Variants in MECOM observed in about 807,000 individuals in gnomAD.
MECOM encodes the protein MDS1 and EVI1 complex locus.
Under a neutral mutation model 116.3 loss-of-function variants are expected in MECOM, and 13 were observed. The ratio of observed to expected loss-of-function variants is 0.11; its 90% CI spans 0.07 to 0.18. The LOEUF (loss-of-function observed/expected upper bound fraction) is 0.18. Ranked by LOEUF, MECOM falls within the 10% of genes least tolerant of loss-of-function variation. MECOM has a pLI of 1.00. For missense variants in MECOM, 1,299 were observed against 1,509.0 expected (o/e 0.86, Z 2.31); for synonymous variants, 528 against 535.2 (o/e 0.99, Z 0.19).
intron 1 of MECOM, among the ~76,000 whole-genome samples, chr3:169,653,528 TGACAGTCA>T (rs1391573214): frequency 6.6e-6 from 1 of 152,214 alleles, no homozygotes; most frequent in African/African-American, 2.4e-5. Flanking sequence ...AGTTAGATTT[TGACAGTCA>T]GTGTACAGTA....
At chr3:169,283,152 T>C (rs1712487698) in intron 2 of MECOM, among the ~76,000 whole-genome samples, 1 of 152,126 alleles carries the variant, frequency 6.6e-6, no homozygotes, top group African/African-American at 2.4e-5. Flanking sequence ...CAGTAAATGA[T>C]TACAGAATTT....
chr3:169,212,940 C>T (rs1366546831), intron 2 of MECOM, among the ~76,000 whole-genome samples: 1 of 151,518 alleles, frequency 6.6e-6, no homozygotes, highest in African/African-American at 2.4e-5. Flanking sequence ...TTCAGGGAAC[C>T]TTCTCTCACC....
chr3:169,542,583 T>C (rs745993012), intron 1 of MECOM, among the ~76,000 whole-genome samples: 18 of 152,258 alleles, frequency 1.2e-4, no homozygotes, highest in Non-Finnish European at 2.5e-4. Context: ...CTAATTGTTA[T>C]GATTAGCCCC....
intron 1 of MECOM, among the ~76,000 whole-genome samples, chr3:169,472,657 AGAAAG>A (rs1323585479): frequency 5.4e-5 from 3 of 55,924 alleles, no homozygotes; most frequent in East Asian, 6.9e-4. Context: ...GGAAAAGAAA[AGAAAG>A]GAAAGGAAAG....
intron 2 of MECOM, among the ~76,000 whole-genome samples, chr3:169,172,512 A>G (rs1420505546): frequency 6.6e-6 from 1 of 152,036 alleles, no homozygotes; most frequent in African/African-American, 2.4e-5. Context: ...TCTCAGAAGA[A>G]ACAAATCACA....
At chr3:169,612,041 C>A (rs1424934219) in intron 1 of MECOM, among the ~76,000 whole-genome samples, 1 of 152,088 alleles carries the variant, frequency 6.6e-6, no homozygotes, top group Non-Finnish European at 1.5e-5. Context: ...GCCAACCTCC[C>A]GAATCTCTAG....
At chr3:169,660,326 A>C (rs574587218) in intron 1 of MECOM, among the ~76,000 whole-genome samples, 1 of 152,108 alleles carries the variant, frequency 6.6e-6, no homozygotes, top group Non-Finnish European at 1.5e-5. Context: ...TTTTAATTAA[A>C]TTTTTTAACC....
At chr3:169,464,979 G>A (rs1560307400) in intron 1 of MECOM, among the ~76,000 whole-genome samples, 1 of 151,962 alleles carries the variant, frequency 6.6e-6, no homozygotes, top group Non-Finnish European at 1.5e-5. Context: ...TGTTGAAAAT[G>A]TTTCCTCAAT....
At chr3:169,133,829 A>G (rs1226798742) in intron 3 of MECOM, 1 of 915,490 alleles carries the variant, frequency 1.1e-6, no homozygotes, top group East Asian at 6.2e-5. Context: ...CTTTCCAGTT[A>G]AATACTTATA....
intron 1 of MECOM, among the ~76,000 whole-genome samples, chr3:169,494,605 A>G (rs1465002821): frequency 6.6e-6 from 1 of 152,240 alleles, no homozygotes; most frequent in Admixed American, 6.5e-5. Flanking sequence ...CCAAAGTTTT[A>G]TTATACACCA....
intron 1 of MECOM, among the ~76,000 whole-genome samples, chr3:169,614,605 A>T (rs1367647951): frequency 6.6e-6 from 1 of 152,116 alleles, no homozygotes; most frequent in African/African-American, 2.4e-5. Context: ...ACCTATCACT[A>T]CTAAAGAAAT....
intron 2 of MECOM, among the ~76,000 whole-genome samples, chr3:169,215,615 G>C (rs1015687767): frequency 6.6e-6 from 1 of 152,072 alleles, no homozygotes; most frequent in African/African-American, 2.4e-5. Context: ...CATTAAACCT[G>C]CCTGAAAACT....
intron 1 of MECOM, among the ~76,000 whole-genome samples, chr3:169,568,538 G>T (rs1440468916): frequency 6.6e-6 from 1 of 152,126 alleles, no homozygotes. Flanking sequence ...TGGGGGGAGG[G>T]GCATCCACCA....
intron 2 of MECOM, among the ~76,000 whole-genome samples, chr3:169,252,290 A>T (rs1268592647): frequency 2.0e-5 from 3 of 152,184 alleles, no homozygotes; most frequent in East Asian, 3.9e-4. Flanking sequence ...TCACAAAATG[A>T]GCTTTAAATT....
intron 1 of MECOM, among the ~76,000 whole-genome samples, chr3:169,562,139 C>CAAAAA (rs10714325): frequency 3.0e-3 from 76 of 25,276 alleles, no homozygotes; most frequent in East Asian, 5.2e-3. Context: ...GAGCAATACT[C>CAAAAA]AAAAAAAAAA....
At chr3:169,438,746 C>T (rs531300362) in intron 1 of MECOM, among the ~76,000 whole-genome samples, 4 of 152,136 alleles carry the variant, frequency 2.6e-5, no homozygotes, top group East Asian at 1.9e-4. Flanking sequence ...CAGGTACTAT[C>T]GGGTTTTCTT....
chr3:169,504,697 T>C (rs1325860776), intron 1 of MECOM, among the ~76,000 whole-genome samples: 1 of 152,148 alleles, frequency 6.6e-6, no homozygotes, highest in Non-Finnish European at 1.5e-5. Context: ...AGGATAGCAA[T>C]GACAAGTGAA....
intron 2 of MECOM, among the ~76,000 whole-genome samples, chr3:169,367,789 C>T (rs1188851064): frequency 6.6e-6 from 1 of 151,936 alleles, no homozygotes; most frequent in African/African-American, 2.4e-5. Context: ...GGTGGCATGG[C>T]CAACAATAAT....
At chr3:169,484,119 T>A (rs900952551) in intron 1 of MECOM, 1 of 807,880 alleles carries the variant, frequency 1.2e-6, no homozygotes, top group Non-Finnish European at 2.0e-6. Flanking sequence ...ATTTCTCTAG[T>A]AAACAAAAAG....
Sources: gnomAD v4.1 joint callset for allele counts (sites outside exome capture counted in the v4.1 genomes callset) on GRCh38, gnomAD v4.1.1 for gene constraint, MANE v1.5 for transcripts, NCBI Gene and HGNC (gene_info 2026-07-23, HGNC 2026-07-21) for gene names.